The following LSAMP variants were observed in gnomAD, a reference collection of about 807,000 sequenced individuals.
LSAMP encodes limbic system-associated membrane protein.
Under a neutral mutation model 38.6 loss-of-function variants are expected in LSAMP, and 7 were observed. That is an observed-to-expected ratio of 0.18 (90% CI 0.10 to 0.34). The LOEUF is 0.34. LSAMP is among the 10% of genes least tolerant of loss of function. LSAMP has a pLI of 1.00. For missense variants in LSAMP, 313 were observed against 420.0 expected, an observed-to-expected ratio of 0.75 and a Z score of 2.23; for synonymous variants, 154 against 166.8, an observed-to-expected ratio of 0.92 and a Z score of 0.59.
chr3:115,810,564 CA>C (rs1245592411), intron 6 of LSAMP, 150 bp from the exon 7 acceptor site: 3 of 668,916 alleles, frequency 4.5e-6, no homozygotes, highest in Non-Finnish European at 8.0e-6. Flanking sequence ...AAGAAGCGCT[CA>C]AAACTTTTCT....
At chr3:116,216,926 T>A (rs1000967045) in intron 1 of LSAMP, among the ~76,000 whole-genome samples, 1 of 152,180 alleles carries the variant, frequency 6.6e-6, no homozygotes, top group Non-Finnish European at 1.5e-5. Context: ...TTCAGAACCA[T>A]GATGGAAGAA....
chr3:115,926,274 G>T (rs1937497163), intron 3 of LSAMP, among the ~76,000 whole-genome samples: 1 of 152,120 alleles, frequency 6.6e-6, no homozygotes, highest in Admixed American at 6.5e-5. Context: ...TCATACAGAG[G>T]GATTAAGGGA....
Position 115,841,969 on chromosome 3 carries a change from C to T in LSAMP, c.795G>A (p.Glu265=). 1 of 1,613,252 alleles carries T rather than the reference C, an allele frequency of 6.2e-7. No homozygotes were observed. Among genetic ancestry groups the T allele is most frequent in the South Asian group, 1.1e-5 (1 of 90,998 alleles). ...AAGACTGGCCCTCCGTGCTCTTAAT[C>T]TCAAGGCCATTGGCACTATTTATCC... is the stretch of plus-strand genomic sequence containing the variant. ...DTRINSANGL[E]IKSTEGQSSL... The change falls in exon 6 of 7, where the codon GAG becomes GAA. Residue 265 remains glutamate (E), a synonymous_variant. Coordinates refer to ENST00000490035, the MANE Select transcript of LSAMP (RefSeq NM_002338.5).
At chr3:115,864,192 T>A (rs1214458175) in intron 3 of LSAMP, among the ~76,000 whole-genome samples, 1 of 152,206 alleles carries the variant, frequency 6.6e-6, no homozygotes, top group Admixed American at 6.5e-5. Context: ...GTGCTGACTC[T>A]GAAGGTGACA....
intron 1 of LSAMP, among the ~76,000 whole-genome samples, chr3:116,100,496 T>C (rs1272740485): frequency 6.6e-6 from 1 of 152,186 alleles, no homozygotes; most frequent in Admixed American, 6.5e-5. Context: ...ACACCACCTT[T>C]GTTATTCTCA....
chr3:115,838,001 C>G (rs1197524461), intron 6 of LSAMP: 1 of 152,150 alleles, frequency 6.6e-6, no homozygotes, highest in African/African-American at 2.4e-5. Context: ...AATATGGTGG[C>G]CTCCCAGGAG....
intron 3 of LSAMP, among the ~76,000 whole-genome samples, chr3:115,977,944 C>A (rs905255241): frequency 6.6e-6 from 1 of 152,052 alleles, no homozygotes; most frequent in African/African-American, 2.4e-5. Flanking sequence ...GATATTATGA[C>A]AAACCCCATA....
At chr3:115,947,792 G>A (rs1316260462) in intron 3 of LSAMP, among the ~76,000 whole-genome samples, 5 of 152,150 alleles carry the variant, frequency 3.3e-5, no homozygotes, top group Admixed American at 1.3e-4. Context: ...GTAAGAGAGG[G>A]ATGAACTTGA....
rs1369699854 is a variant in LSAMP, at chr3:115,808,152, C to A, written c.*2165G>T. 2 of 87,664 alleles carry A rather than the reference C, an allele frequency of 2.3e-5. No individual in the cohort carries two copies. Among genetic ancestry groups the A allele is most frequent in the Non-Finnish European group, 2.3e-5 (1 of 44,128 alleles). 5.4% of individuals were successfully genotyped at this position (87,664 alleles called of 1,614,324 possible). A position where few individuals can be genotyped will look rare whatever the true frequency, so the allele number is the denominator to read the frequency against. ...TCCCTCCCTCCCTCCCTCCCTCCCC[C>A]CCTTCCCCGTCCCCCCCTCCCTGCC... On this transcript the variant is annotated 3_prime_UTR_variant, in exon 7 of 7. Transcript: ENST00000490035.
chr3:115,954,356 C>G (rs751948192), intron 3 of LSAMP, among the ~76,000 whole-genome samples: 2 of 152,116 alleles, frequency 1.3e-5, no homozygotes, highest in East Asian at 3.9e-4. Flanking sequence ...GCACTTAGCT[C>G]TGTGAGATCA....
chr3:116,151,191 T>G (rs1030604322), intron 1 of LSAMP, among the ~76,000 whole-genome samples: 3 of 151,960 alleles, frequency 2.0e-5, no homozygotes, highest in Non-Finnish European at 2.9e-5. Context: ...GAATCTTACT[T>G]TAAATGAGGA....
intron 1 of LSAMP, among the ~76,000 whole-genome samples, chr3:116,301,203 T>C (rs2047403980): frequency 6.6e-6 from 1 of 151,956 alleles, no homozygotes; most frequent in Non-Finnish European, 1.5e-5. Context: ...AAATATGCAA[T>C]AAAAAGCTAC....
intron 1 of LSAMP, among the ~76,000 whole-genome samples, chr3:116,099,930 A>C (rs1346225095): frequency 2.0e-5 from 3 of 152,152 alleles, no homozygotes; most frequent in Non-Finnish European, 4.4e-5. Context: ...CTCCATGTAG[A>C]TATTTGAGGG....
chr3:116,412,673 C>T (rs2048995534), intron 1 of LSAMP, among the ~76,000 whole-genome samples: 1 of 151,958 alleles, frequency 6.6e-6, no homozygotes, highest in South Asian at 2.1e-4. Context: ...ATACTAATCC[C>T]CAAATTCTTT....
At chr3:116,290,599 G>A (rs536099872) in intron 1 of LSAMP, among the ~76,000 whole-genome samples, 22 of 151,900 alleles carry the variant, frequency 1.4e-4, no homozygotes, top group South Asian at 2.1e-4. Context: ...GTGTGGTGGC[G>A]TGTGCCTGTA....
intron 1 of LSAMP, among the ~76,000 whole-genome samples, chr3:116,266,616 T>G (rs1195472469): frequency 6.6e-6 from 1 of 152,150 alleles, no homozygotes; most frequent in Non-Finnish European, 1.5e-5. Flanking sequence ...ATCAGCTACT[T>G]GTACGTATGC....
chr3:116,264,657 A>C (rs1479338640), intron 1 of LSAMP, among the ~76,000 whole-genome samples: 1 of 152,126 alleles, frequency 6.6e-6, no homozygotes, highest in Non-Finnish European at 1.5e-5. Context: ...GCTAGAGTGC[A>C]GTGGCATAAT....
chr3:116,294,161 A>G (rs2047300993), intron 1 of LSAMP, among the ~76,000 whole-genome samples: 2 of 152,158 alleles, frequency 1.3e-5, no homozygotes, highest in African/African-American at 2.4e-5. Context: ...AGCCAGACCC[A>G]TAGGTAGCTG....
chr3:116,248,885 C>T (rs895104377), intron 1 of LSAMP, among the ~76,000 whole-genome samples: 26 of 152,198 alleles, frequency 1.7e-4, no homozygotes, highest in South Asian at 4.2e-4. Context: ...CGGTGGCTCA[C>T]GCCTATAATC....
Sources: gnomAD v4.1 joint callset for allele counts (sites outside exome capture counted in the v4.1 genomes callset) on GRCh38, gnomAD v4.1.1 for gene constraint, MANE v1.5 for transcripts, NCBI Gene and HGNC (gene_info 2026-07-23, HGNC 2026-07-21) for gene names.